The following SLC24A2 variants were observed in gnomAD, a reference collection of about 807,000 sequenced individuals.
SLC24A2 encodes the protein sodium/potassium/calcium exchanger 2.
SLC24A2 carries 36 observed loss-of-function variants against 62.0 expected under a neutral mutation model. The observed-to-expected ratio is 0.58, with a 90% CI of 0.44 to 0.77. The LOEUF (loss-of-function observed/expected upper bound fraction) is 0.77, where lower values mean the gene tolerates loss of function less well. SLC24A2 is among the 30% of genes least tolerant of loss of function. The pLI is 0.00. For missense variants in SLC24A2, 846 were observed against 817.9 expected, an observed-to-expected ratio of 1.03 and a Z score of -0.42; for synonymous variants, 358 against 294.0, an observed-to-expected ratio of 1.22 and a Z score of -2.23.
the SLC24A2 span, among the ~76,000 whole-genome samples, chr9:20,238,168 A>G: frequency 6.6e-6 from 1 of 152,162 alleles, no homozygotes; most frequent in South Asian, 2.1e-4. Context: ...ATGAGGCCTG[A>G]CACCTGCCAA....
At chr9:20,026,270 C>G in the SLC24A2 span, among the ~76,000 whole-genome samples, 3 of 152,294 alleles carry the variant, frequency 2.0e-5, no homozygotes, top group Admixed American at 6.5e-5. Flanking sequence ...CATTTAAAGT[C>G]ATTCAAATTT....
intron 2 of SLC24A2, among the ~76,000 whole-genome samples, chr9:19,746,067 ACAT>A (rs1821822974): frequency 1.3e-5 from 2 of 151,962 alleles, no homozygotes; most frequent in Non-Finnish European, 2.9e-5. Flanking sequence ...TCTACCACTG[ACAT>A]CATGCATTTC....
intron 2 of SLC24A2, among the ~76,000 whole-genome samples, chr9:19,674,570 T>C (rs1253987338): frequency 6.6e-6 from 1 of 152,222 alleles, no homozygotes; most frequent in Non-Finnish European, 1.5e-5. Flanking sequence ...TAAAAAATTC[T>C]TTTTTCTTTG....
intron 2 of SLC24A2, among the ~76,000 whole-genome samples, chr9:19,639,223 C>G (rs931329306): frequency 2.6e-5 from 4 of 152,188 alleles, no homozygotes; most frequent in African/African-American, 9.7e-5. Flanking sequence ...AGTGGATTTT[C>G]TAACTTTATT....
At chr9:20,029,161 G>A in the SLC24A2 span, among the ~76,000 whole-genome samples, 1 of 152,152 alleles carries the variant, frequency 6.6e-6, no homozygotes, top group Non-Finnish European at 1.5e-5. Context: ...AAGCTATTTG[G>A]AAGGCAAAGG....
At chr9:19,877,340 A>T in the SLC24A2 span, among the ~76,000 whole-genome samples, 1 of 143,018 alleles carries the variant, frequency 7.0e-6, no homozygotes, top group Non-Finnish European at 1.5e-5. Context: ...GAAAATGGTC[A>T]GTGCCTCTAG....
At chr9:20,055,995 T>C in the SLC24A2 span, among the ~76,000 whole-genome samples, 1 of 152,198 alleles carries the variant, frequency 6.6e-6, no homozygotes, top group Admixed American at 6.5e-5. Flanking sequence ...AGAAGATGTG[T>C]GGAGTATTTA....
the SLC24A2 span, among the ~76,000 whole-genome samples, chr9:20,132,727 G>C: frequency 6.6e-6 from 1 of 151,776 alleles, no homozygotes; most frequent in Non-Finnish European, 1.5e-5. Context: ...AAAGCTATTT[G>C]GTTAATCATA....
At chr9:19,874,996 C>CAAAAAA in the SLC24A2 span, among the ~76,000 whole-genome samples, 2 of 96,740 alleles carry the variant, frequency 2.1e-5, no homozygotes, top group African/African-American at 4.0e-5. Context: ...TCCAGAATTA[C>CAAAAAA]AAAAAAAAAA....
chr9:20,194,496 C>G, the SLC24A2 span, among the ~76,000 whole-genome samples: 1 of 152,082 alleles, frequency 6.6e-6, no homozygotes, highest in Non-Finnish European at 1.5e-5. Flanking sequence ...GGTTACTTTT[C>G]TTTGATTTTC....
At chr9:20,172,015 C>T in the SLC24A2 span, among the ~76,000 whole-genome samples, 1 of 151,994 alleles carries the variant, frequency 6.6e-6, no homozygotes, top group African/African-American at 2.4e-5. Context: ...ATCAAGCACT[C>T]TCTCAGACCA....
intron 4 of SLC24A2, 84 bp from the exon 5 acceptor site, chr9:19,597,363 G>C: frequency 1.1e-6 from 1 of 948,486 alleles, no homozygotes; most frequent in Non-Finnish European, 1.7e-6. Context: ...TAATTAATCA[G>C]ATTCAGAGTT....
At chr9:20,027,834 T>A in the SLC24A2 span, among the ~76,000 whole-genome samples, 1 of 152,350 alleles carries the variant, frequency 6.6e-6, no homozygotes, top group Admixed American at 6.5e-5. Context: ...ATTTGTTGAT[T>A]GGTTTGATAT....
the SLC24A2 span, among the ~76,000 whole-genome samples, chr9:19,860,861 T>G: frequency 6.6e-6 from 1 of 152,112 alleles, no homozygotes; most frequent in East Asian, 1.9e-4. Context: ...TTTCTGCCTT[T>G]GGAAAGGGGA....
chr9:20,004,021 G>A, the SLC24A2 span, among the ~76,000 whole-genome samples: 1 of 152,102 alleles, frequency 6.6e-6, no homozygotes, highest in African/African-American at 2.4e-5. Context: ...GGGCTAGAGT[G>A]CTAGGATTCT....
At chr9:20,268,255 A>G in the SLC24A2 span, among the ~76,000 whole-genome samples, 1 of 152,128 alleles carries the variant, frequency 6.6e-6, no homozygotes, top group South Asian at 2.1e-4. Context: ...CTCACAGCCA[A>G]TAGCCCCATG....
At chr9:20,167,788 T>G in the SLC24A2 span, among the ~76,000 whole-genome samples, 1 of 151,984 alleles carries the variant, frequency 6.6e-6, no homozygotes, top group Non-Finnish European at 1.5e-5. Flanking sequence ...GGCAAGATCA[T>G]AGCTTACTGC....
the SLC24A2 span, among the ~76,000 whole-genome samples, chr9:20,117,399 C>G: frequency 1.3e-5 from 2 of 152,010 alleles, no homozygotes; most frequent in African/African-American, 4.8e-5. Flanking sequence ...TTTTTCATTT[C>G]ATGGTCTTTT....
the SLC24A2 span, among the ~76,000 whole-genome samples, chr9:20,260,336 C>T: frequency 1.7e-3 from 262 of 152,314 alleles, 1 homozygote; most frequent in African/African-American, 5.9e-3. Flanking sequence ...TTATGAATTA[C>T]CCAGTCTCAG....
Sources: allele counts gnomAD v4.1 joint callset (sites outside exome capture counted in the v4.1 genomes callset), GRCh38; gene constraint gnomAD v4.1.1; transcripts MANE v1.5; gene names NCBI Gene and HGNC (gene_info 2026-07-23, HGNC 2026-07-21).